WDR90: variants seen among roughly 807,000 people sequenced by gnomAD.
WDR90 encodes the protein WD repeat-containing protein 90.
Under a neutral mutation model 195.2 loss-of-function variants are expected in WDR90, and 238 were observed. The observed-to-expected ratio is 1.22, with a 90% CI of 1.10 to 1.36. The LOEUF is 1.36. Ranked by LOEUF, WDR90 falls within the 40% of genes most tolerant of loss-of-function variation. The probability of loss-of-function intolerance (pLI) is 0.00; values close to 1 mark genes in which losing one functional copy is unlikely to be tolerated. For missense variants in WDR90, 2,734 were observed against 2,439.5 expected (o/e 1.12, Z -2.54); for synonymous variants, 1,265 against 1,052.4 (o/e 1.20, Z -3.91).
At chr16:657,515 C>T (rs566438973) in intron 20 of WDR90, among the ~76,000 whole-genome samples, 22 of 152,182 alleles carry the variant, frequency 1.4e-4, no homozygotes, top group Non-Finnish European at 2.6e-4. Flanking sequence ...CCCTGTCCTG[C>T]GGCCACCATA....
At position 660,130 on chromosome 16, in the gene WDR90, C is replaced by A; in HGVS notation, c.3257C>A (p.Ala1086Asp). 6.5e-7 allele frequency: 1 copy of A among 1,539,990 alleles called. No homozygotes were observed. Among genetic ancestry groups the A allele is most frequent in the Admixed American group, 2.0e-5 (1 of 50,444 alleles). Reference sequence around the variant, plus strand: ...GCTTCCTGCAAGGCCTTCACGCCTGCCAGGGTCAGCTGCAGCCCCCACTCT... The same window carrying A: ...GCTTCCTGCAAGGCCTTCACGCCTGACAGGGTCAGCTGCAGCCCCCACTCT... The part of the protein sequence containing the change: ...YLASCKAFTP[A>D]RVSCSPHSAK... Residue 1086 changes from alanine (A) to aspartate (D), a missense_variant, in exon 27 of 41, where the codon GCC becomes GAC. By Grantham distance (126) the Ala-to-Asp change is moderately radical. Transcript: ENST00000293879.
Position 650,972 on chromosome 16 carries a change from TG to T in WDR90, c.560-21del, listed in dbSNP as rs761651553. On this transcript the variant is annotated intron_variant, in intron 5 of 40. Coordinates refer to ENST00000293879, the MANE Select transcript of WDR90 (RefSeq NM_145294.5). Reference sequence around the variant, plus strand: ...GGTGGCTAAACAGCCTCCCTTGACCTGGAACAACCCTGCTCCTTGTAGCCAT... The same window carrying T: ...GGTGGCTAAACAGCCTCCCTTGACCTGAACAACCCTGCTCCTTGTAGCCAT... 51 of 1,611,026 alleles carry T rather than the reference TG, an allele frequency of 3.2e-5. No homozygotes were observed. The Middle Eastern group carries it at 1.2e-3, about 36-fold the overall frequency.
Position 657,799 on chromosome 16 carries a change from C to T in WDR90, c.2511C>T (p.Ser837=), listed in dbSNP as rs377405051. The T allele has an allele frequency of 5.8e-5, 91 of 1,555,712 alleles. 1 individual carries two copies. The highest frequency in any genetic ancestry group is 3.3e-4 in the Middle Eastern group (2 of 5,974). The change falls in exon 21 of 41, where the codon AGC becomes AGT. Residue 837 remains serine, a synonymous_variant. Transcript: ENST00000293879. ...MVCPDAPASP[S]ALAVSRDGRL... ...GCCCGGATGCCCCCGCGAGCCCCAG[C>T]GCCCTGGCAGTCAGCAGGGATGGCC...
At chr16:664,832 A>G (rs2037990067) in intron 34 of WDR90, among the ~76,000 whole-genome samples, 1 of 152,052 alleles carries the variant, frequency 6.6e-6, no homozygotes, top group Middle Eastern at 3.2e-3. Context: ...GGCACCCGCC[A>G]CCACGCCCGA....
rs115882451 is a variant in WDR90 at position 664,465 on chromosome 16, G to A, written c.4312-1214G>A. On this transcript the variant is annotated intron_variant, in intron 34 of 40. Transcript: ENST00000293879. ...TCCATCCACCAGGGCTGGGAAATTCGGGTCCTGAGACCGTGACCTGAGCCC... is the reference window on the plus strand; with the variant it reads ...TCCATCCACCAGGGCTGGGAAATTCAGGTCCTGAGACCGTGACCTGAGCCC... Among the ~76,000 whole-genome samples the A allele has an allele frequency of 7.7e-3, 1,176 of 152,244 alleles. 26 individuals carry two copies. Among genetic ancestry groups the A allele is most frequent in the African/African-American group, 0.027 (1,126 of 41,532 alleles).
intron 10 of WDR90, 123 bp from the exon 11 acceptor site, chr16:653,218 G>C: frequency 1.4e-6 from 1 of 736,980 alleles, no homozygotes; most frequent in Non-Finnish European, 2.1e-6. Flanking sequence ...GTGTGCCCAG[G>C]TGTGTGTGCC....
At chr16:656,012 C>A (rs999255243) in intron 17 of WDR90, 123 bp downstream of exon 17, 22 of 1,173,142 alleles carry the variant, frequency 1.9e-5, no homozygotes, top group Non-Finnish European at 2.5e-5. Flanking sequence ...CAGGGTGCCA[C>A]GGGGCCAAGT....
At chr16:660,982 CTCCCCAGGCCCCTCCCCG>C (rs2037888762) in intron 28 of WDR90, 51 bp from the exon 29 acceptor site, 3 of 285,064 alleles carry the variant, frequency 1.1e-5, no homozygotes, top group African/African-American at 3.2e-5. Context: ...TGTTCGGCCC[CTCCCCAGGCCCCTCCCCG>C]CCCCCCCCCC....
chr16:655,866 TCTC>T lies in WDR90; in HGVS notation c.1947_1949del (p.Ser650del), dbSNP rs1298060471. 9.4e-6 allele frequency: 15 copies of T among 1,598,318 alleles called. 1 individual carries two copies. The Middle Eastern group carries it at 6.6e-4, about 70-fold the overall frequency. On this transcript the variant is annotated inframe_deletion, in exon 17 of 41. Coordinates refer to ENST00000293879, the MANE Select transcript of WDR90 (RefSeq NM_145294.5). ...TTCTTGCGGCTCTGGCCCCTGGACTTCTCCTCGGTGCTCCTGGAGGCAGGTGAT... is the reference window on the plus strand; with the variant it reads ...TTCTTGCGGCTCTGGCCCCTGGACTTCTCGGTGCTCCTGGAGGCAGGTGAT...
Position 661,688 on chromosome 16 carries a change from G to A in WDR90, c.3765G>A (p.Val1255=). 1 of 1,612,448 alleles carries A rather than the reference G, an allele frequency of 6.2e-7. No homozygotes were observed. The highest frequency in any genetic ancestry group is 2.2e-5 in the East Asian group (1 of 44,890). ...GCCTCCCGGAGCCGGTGCATGGTGT[G>A]GCCTTCAACCCCTGGGACGCCGGCG... ...STRLPEPVHG[V]AFNPWDAGEL... is the part of the protein sequence containing the mutation. Residue 1255 remains valine, a synonymous_variant, in exon 31 of 41, where the codon GTG becomes GTA. Coordinates refer to ENST00000293879, the MANE Select transcript of WDR90 (RefSeq NM_145294.5).
At chr16:656,913 G>A (rs2037768317) in intron 19 of WDR90, 42 bp downstream of exon 19, 1 of 1,597,138 alleles carries the variant, frequency 6.3e-7, no homozygotes, top group Non-Finnish European at 8.5e-7. Flanking sequence ...AGACCCCACG[G>A]TGGAAGCTGG....
Position 658,968 on chromosome 16 carries a change from G to A in WDR90, c.2968G>A (p.Gly990Arg). 1.2e-6 allele frequency: 2 copies of A among 1,612,846 alleles called. No homozygotes were observed. The highest frequency in any genetic ancestry group is 1.7e-6 in the Non-Finnish European group (2 of 1,179,948). The change falls in exon 24 of 41, where the codon GGG (glycine) becomes AGG (arginine). Residue 990 changes from glycine (G) to arginine (R), a missense_variant. Transcript: ENST00000293879. ...TGACCAGCAGCAGGTCCTCAGCGCAGGGGACGCCGTCTTCCTCTGGGATGT... is the reference window on the plus strand; with the variant it reads ...TGACCAGCAGCAGGTCCTCAGCGCAAGGGACGCCGTCTTCCTCTGGGATGT... ...SPDQQQVLSA[G>R]DAVFLWDVLA...
At chr16:649,057 C>A, upstream of WDR90, 1 of 255,390 alleles carries the variant, frequency 3.9e-6, no homozygotes. Context: ...CAGGCCTCAG[C>A]GCGACCTCGC....
Position 649,864 on chromosome 16 carries a change from C to T in WDR90, c.102+10C>T, listed in dbSNP as rs2037604238. 2 of 1,576,188 alleles carry T rather than the reference C, an allele frequency of 1.3e-6. No individual in the cohort carries two copies. Among genetic ancestry groups the T allele is most frequent in the African/African-American group, 1.3e-5 (1 of 74,258 alleles). On this transcript the variant is annotated intron_variant, in intron 2 of 40. Coordinates refer to ENST00000293879, the MANE Select transcript of WDR90 (RefSeq NM_145294.5). ...CGTGGCCGTGGTCACGGTAGGCGGC[C>T]GGGGGCTCGCCCGGAGCCCACACCC...
Position 655,421 on chromosome 16 carries a change from C to G in WDR90, c.1671C>G (p.Ala557=). The G allele has an allele frequency of 6.3e-7, 1 of 1,584,384 alleles. No individual in the cohort carries two copies. The highest frequency in any genetic ancestry group is 8.6e-7 in the Non-Finnish European group (1 of 1,169,512). Residue 557 remains alanine (A), a synonymous_variant, in exon 15 of 41, where the codon GCC becomes GCG. Coordinates refer to ENST00000293879, the MANE Select transcript of WDR90 (RefSeq NM_145294.5). ...EHHALQFTDL[A]FKQARDGCPE... The stretch of plus-strand genomic sequence containing the variant: ...ACGCGCTGCAGTTCACCGACCTGGC[C>G]TTCAAGCAGGCCCGGGACGGCTGCC...
At position 653,554 on chromosome 16, in the gene WDR90, C is replaced by G; in HGVS notation, c.1263C>G (p.Ser421Arg). The change falls in exon 12 of 41, where the codon AGC becomes AGG. Residue 421 changes from serine (S) to arginine (R), a missense_variant. Ser to Arg is a moderately radical substitution (Grantham distance 110). Coordinates refer to ENST00000293879, the MANE Select transcript of WDR90 (RefSeq NM_145294.5). ...CCGCCCTGGCGCTGGATGGCAGCAGCTCACTATTGGCCTCGGCCCAGGCAA... is the reference window on the plus strand; with the variant it reads ...CCGCCCTGGCGCTGGATGGCAGCAGGTCACTATTGGCCTCGGCCCAGGCAA... ...KVSALALDGSSSLLASAQARA... is the reference protein window; with the variant it reads ...KVSALALDGSRSLLASAQARA... 1 of 1,613,514 alleles carries G rather than the reference C, an allele frequency of 6.2e-7. No homozygotes were observed. Among genetic ancestry groups the G allele is most frequent in the Non-Finnish European group, 8.5e-7 (1 of 1,179,950 alleles).
At chr16:655,210 C>T in intron 14 of WDR90, 63 bp downstream of exon 14, 1 of 1,612,260 alleles carries the variant, frequency 6.2e-7, no homozygotes. Context: ...GGGCCGAGGC[C>T]CGAGCACCTC....
chr16:662,117 C>A, intron 32 of WDR90, 58 bp downstream of exon 32: 1 of 1,567,798 alleles, frequency 6.4e-7, no homozygotes. Context: ...ATCCTCAGAG[C>A]TGGGGCAGAG....
chr16:662,080 C>T (rs1567221693), intron 32 of WDR90, 21 bp downstream of exon 32: 1 of 1,595,112 alleles, frequency 6.3e-7, no homozygotes, highest in Middle Eastern at 1.7e-4. Context: ...CGCAGAAGCC[C>T]TGTGGCCCTC....
Sources: allele counts gnomAD v4.1 joint callset (sites outside exome capture counted in the v4.1 genomes callset), GRCh38; gene constraint gnomAD v4.1.1; transcripts MANE v1.5; gene names NCBI Gene and HGNC (gene_info 2026-07-23, HGNC 2026-07-21).